Variants in PHACTR3 observed in about 807,000 individuals in gnomAD.
PHACTR3 encodes protein phosphatase 1, regulatory subunit 123.
PHACTR3 carries 16 observed loss-of-function variants against 66.8 expected under a neutral mutation model. That is an observed-to-expected ratio of 0.24 (90% CI 0.16 to 0.36). The LOEUF is 0.36. Ranked by LOEUF, PHACTR3 falls within the 10% of genes least tolerant of loss-of-function variation. The pLI is 1.00. For synonymous variants in PHACTR3, 323 were observed against 292.1 expected (o/e 1.11, Z -1.08); for missense variants, 647 against 719.9 (o/e 0.90, Z 1.16).
chr20:59,743,801 C>T (rs1334188590), intron 2 of PHACTR3, among the ~76,000 whole-genome samples: 1 of 152,194 alleles, frequency 6.6e-6, no homozygotes, highest in Non-Finnish European at 1.5e-5. Flanking sequence ...GGCTTTGACA[C>T]CTCTGGGCCT....
At chr20:59,599,025 A>C (rs528665085) in intron 1 of PHACTR3, among the ~76,000 whole-genome samples, 36 of 152,248 alleles carry the variant, frequency 2.4e-4, no homozygotes, top group African/African-American at 8.7e-4. Context: ...TGAATGAGTT[A>C]TTTTTACATT....
chr20:59,784,774 A>G (rs1227394802), intron 7 of PHACTR3, among the ~76,000 whole-genome samples: 1 of 152,208 alleles, frequency 6.6e-6, no homozygotes, highest in East Asian at 1.9e-4. Context: ...TCTGCAAAAT[A>G]GGAAAACTAA....
chr20:59,741,032 T>G (rs1318558921), intron 1 of PHACTR3, among the ~76,000 whole-genome samples: 4 of 152,210 alleles, frequency 2.6e-5, no homozygotes, highest in African/African-American at 7.2e-5. Flanking sequence ...CCCCGGCCCC[T>G]TGGACACTGG....
chr20:59,664,776 G>A (rs1400686337), intron 1 of PHACTR3, among the ~76,000 whole-genome samples: 1 of 152,194 alleles, frequency 6.6e-6, no homozygotes, highest in Non-Finnish European at 1.5e-5. Flanking sequence ...CTCACTGGAG[G>A]CACCATACGT....
In PHACTR3 at chr20:59,836,569, CT is replaced by C. The variant is rs772902353; in HGVS notation, c.1384+10del. Reference sequence around the variant, plus strand: ...AAGAAATATCTTGAAACGTGAGTAGCTGGTGATTCCTCTAGAGGTTTTCCTT... The same window carrying C: ...AAGAAATATCTTGAAACGTGAGTAGCGGTGATTCCTCTAGAGGTTTTCCTT... On this transcript the variant is annotated intron_variant, in intron 9 of 12. Transcript: ENST00000371015. The C allele has an allele frequency of 2.5e-6, 4 of 1,610,172 alleles. No homozygotes were observed. The Admixed American group carries it at 6.8e-5, about 27-fold the overall frequency.
chr20:59,582,123 G>A (rs1056253525), intron 1 of PHACTR3, among the ~76,000 whole-genome samples: 4 of 152,086 alleles, frequency 2.6e-5, no homozygotes, highest in African/African-American at 4.8e-5. Context: ...CCCCCCGCCC[G>A]CCACCTTTCG....
chr20:59,695,375 C>T (rs1297308078), intron 1 of PHACTR3, among the ~76,000 whole-genome samples: 1 of 152,176 alleles, frequency 6.6e-6, no homozygotes, highest in African/African-American at 2.4e-5. Flanking sequence ...TTCTCTTCCT[C>T]CTTCTCCGGC....
At chr20:59,767,491 TATTCACCC>T in intron 5 of PHACTR3, 96 bp downstream of exon 5, 2 of 1,333,544 alleles carry the variant, frequency 1.5e-6, no homozygotes, top group Non-Finnish European at 2.1e-6. Context: ...TCTATCTATT[TATTCACCC>T]ATTCACTCAT....
At chr20:59,729,207 A>C (rs2038677356) in intron 1 of PHACTR3, among the ~76,000 whole-genome samples, 1 of 152,032 alleles carries the variant, frequency 6.6e-6, no homozygotes, top group Admixed American at 6.5e-5. Context: ...GCATTGCGGG[A>C]ACCTGGGAGC....
At chr20:59,697,234 C>G (rs1283275085) in intron 1 of PHACTR3, among the ~76,000 whole-genome samples, 3 of 152,188 alleles carry the variant, frequency 2.0e-5, no homozygotes, top group African/African-American at 4.8e-5. Context: ...TGTTGACAAA[C>G]AGTGCAGGCA....
intron 1 of PHACTR3, among the ~76,000 whole-genome samples, chr20:59,723,691 G>A (rs1343715312): frequency 5.3e-5 from 8 of 151,966 alleles, no homozygotes; most frequent in East Asian, 1.9e-4. Flanking sequence ...ACGGTGACTC[G>A]GTCATTGGGG....
chr20:59,620,923 T>C (rs1568939161), intron 1 of PHACTR3, among the ~76,000 whole-genome samples: 1 of 152,244 alleles, frequency 6.6e-6, no homozygotes, highest in Non-Finnish European at 1.5e-5. Context: ...CATGTATTTA[T>C]TCACCTGTTT....
chr20:59,717,321 A>C (rs816103), intron 1 of PHACTR3, among the ~76,000 whole-genome samples: 69,457 of 152,026 alleles, frequency 0.46, 17,346 homozygotes, highest in Non-Finnish European at 0.57. Context: ...AGCTATGACA[A>C]ATGGCAGGGA....
At position 59,736,676 on chromosome 20, in the gene PHACTR3, C is replaced by T. The variant is rs368656512; in HGVS notation, c.119-6431C>T. On this transcript the variant is annotated intron_variant, in intron 1 of 12. Coordinates refer to ENST00000371015, the MANE Select transcript of PHACTR3 (RefSeq NM_080672.5). This position sits in a 1 kb window ranked among gnomAD's most constrained non-coding sequence, Gnocchi z 4.6. ...CAGGCCACACCGTGCCGTGGATGAC[C>T]ACACCTGCCCCGCTGTACACCTGCA... 1.1e-4 allele frequency among the ~76,000 whole-genome samples: 17 copies of T among 152,216 alleles called. No individual in the cohort carries two copies. Among genetic ancestry groups the T allele is most frequent in the Admixed American group, 9.2e-4 (14 of 15,290 alleles).
intron 7 of PHACTR3, among the ~76,000 whole-genome samples, chr20:59,790,980 T>C (rs895306122): frequency 6.6e-6 from 1 of 152,206 alleles, no homozygotes; most frequent in African/African-American, 2.4e-5. Context: ...CTGGGACAAC[T>C]CATATCTCCA....
rs370043306 is a variant in PHACTR3 at position 59,747,849 on chromosome 20, G to C, written c.358+14G>C. 1.2e-6 allele frequency: 2 copies of C among 1,612,610 alleles called. No individual in the cohort carries two copies. Among genetic ancestry groups the C allele is most frequent in the South Asian group, 1.1e-5 (1 of 90,990 alleles). ...TGATGGAGCAGGGTAAGTGGGACCC[G>C]TCCCTGGCTTGGAAGGGCACGGTGC... is the stretch of plus-strand genomic sequence containing the variant. On this transcript the variant is annotated intron_variant, in intron 3 of 12. Coordinates refer to ENST00000371015, the MANE Select transcript of PHACTR3 (RefSeq NM_080672.5).
intron 1 of PHACTR3, among the ~76,000 whole-genome samples, chr20:59,615,724 G>A (rs2034003988): frequency 6.6e-6 from 1 of 152,180 alleles, no homozygotes; most frequent in South Asian, 2.1e-4. Flanking sequence ...GTCTTGTGTA[G>A]TGGTGAAGAT....
At chr20:59,842,859 T>G (rs1352280176) in intron 11 of PHACTR3, among the ~76,000 whole-genome samples, 1 of 152,028 alleles carries the variant, frequency 6.6e-6, no homozygotes, top group East Asian at 1.9e-4. Context: ...AATGGAACAC[T>G]TACATAATAC....
intron 4 of PHACTR3, among the ~76,000 whole-genome samples, chr20:59,759,929 G>A (rs948909484): frequency 6.6e-6 from 1 of 152,144 alleles, no homozygotes; most frequent in Non-Finnish European, 1.5e-5. Context: ...ACCTCATGGG[G>A]GCCCAGAACA....
Sources: allele counts gnomAD v4.1 joint callset (sites outside exome capture counted in the v4.1 genomes callset), GRCh38; gene constraint gnomAD v4.1.1; non-coding constraint Gnocchi (gnomAD v3.1); transcripts MANE v1.5; gene names NCBI Gene and HGNC (gene_info 2026-07-23, HGNC 2026-07-21).